PCDH15: variants seen among roughly 807,000 people sequenced by gnomAD.
PCDH15 encodes the protein protocadherin-15.
PCDH15 carries 129 observed loss-of-function variants against 178.5 expected under a neutral mutation model. The ratio of observed to expected loss-of-function variants is 0.72; its 90% CI spans 0.63 to 0.84. The LOEUF (loss-of-function observed/expected upper bound fraction) is 0.84. PCDH15 is among the 40% of genes least tolerant of loss of function. The probability of loss-of-function intolerance (pLI) is 0.00; values close to 1 mark genes in which losing one functional copy is unlikely to be tolerated. For missense variants in PCDH15, 2,230 were observed against 2,099.9 expected, an observed-to-expected ratio of 1.06 and a Z score of -1.21; for synonymous variants, 800 against 732.0, an observed-to-expected ratio of 1.09 and a Z score of -1.50.
At chr10:54,520,151 G>C (rs1247883783) in intron 3 of PCDH15, among the ~76,000 whole-genome samples, 2 of 152,096 alleles carry the variant, frequency 1.3e-5, no homozygotes, top group African/African-American at 2.4e-5. Flanking sequence ...ACATAGTCAT[G>C]GGCAAGGACT....
At chr10:54,611,219 G>A (rs1170516516) in intron 2 of PCDH15, among the ~76,000 whole-genome samples, 1 of 151,472 alleles carries the variant, frequency 6.6e-6, no homozygotes, top group Non-Finnish European at 1.5e-5. Context: ...TAAACACTAT[G>A]GAGTCCCCTT....
At chr10:54,314,472 CA>C (rs1564940252) in intron 8 of PCDH15, among the ~76,000 whole-genome samples, 1 of 151,948 alleles carries the variant, frequency 6.6e-6, no homozygotes, top group African/African-American at 2.4e-5. Flanking sequence ...AATGATTAGT[CA>C]TGGAGCAAAC....
At chr10:55,418,015 A>G (rs1269180740) in intron 2 of PCDH15, among the ~76,000 whole-genome samples, 2 of 151,728 alleles carry the variant, frequency 1.3e-5, no homozygotes, top group Non-Finnish European at 1.5e-5. Flanking sequence ...AAAAATGTCC[A>G]GTAGGAAAAG....
intron 2 of PCDH15, among the ~76,000 whole-genome samples, chr10:54,920,778 T>C (rs1837466055): frequency 6.6e-6 from 1 of 152,166 alleles, no homozygotes; most frequent in Non-Finnish European, 1.5e-5. Flanking sequence ...TTAGTAATTA[T>C]GCAGTTGTAC....
intron 1 of PCDH15, among the ~76,000 whole-genome samples, chr10:55,225,516 G>A (rs928768167): frequency 4.6e-5 from 7 of 151,938 alleles, no homozygotes; most frequent in East Asian, 1.9e-4. Context: ...CTGTCTTGTC[G>A]GAAGATAGAA....
intron 8 of PCDH15, among the ~76,000 whole-genome samples, chr10:54,251,236 T>G (rs2056446370): frequency 6.6e-6 from 1 of 152,208 alleles, no homozygotes; most frequent in South Asian, 2.1e-4. Context: ...GCTTTTATCC[T>G]AGAAATAAAT....
intron 2 of PCDH15, among the ~76,000 whole-genome samples, chr10:55,017,180 G>T (rs1840202168): frequency 6.6e-6 from 1 of 152,086 alleles, no homozygotes; most frequent in Admixed American, 6.6e-5. Flanking sequence ...ATGTATTTGT[G>T]TAGTTCCTAC....
chr10:54,435,278 G>C (rs61853576), intron 3 of PCDH15, among the ~76,000 whole-genome samples: 9,872 of 152,154 alleles, frequency 0.065, 391 homozygotes, highest in Admixed American at 0.12. Flanking sequence ...GATTCTGACA[G>C]CCTGGAATTT....
At chr10:55,342,483 A>T (rs1236635563) in intron 2 of PCDH15, among the ~76,000 whole-genome samples, 1 of 151,742 alleles carries the variant, frequency 6.6e-6, no homozygotes, top group Non-Finnish European at 1.5e-5. Context: ...TTTAGTTTTT[A>T]AATTTTTTAA....
chr10:55,546,212 A>G (rs1841879096), intron 2 of PCDH15, among the ~76,000 whole-genome samples: 1 of 152,192 alleles, frequency 6.6e-6, no homozygotes, highest in African/African-American at 2.4e-5. Context: ...AAACATGTAC[A>G]ATTGATCTTA....
rs58171476 is a variant in PCDH15 at position 54,380,705 on chromosome 10, C to CAT, written c.158-1765_158-1764dup. 5.9e-3 allele frequency among the ~76,000 whole-genome samples: 288 copies of CAT among 48,814 alleles called. 2 individuals carry two copies. The highest frequency in any genetic ancestry group is 0.016 in the Middle Eastern group (1 of 64). 32.0% of individuals were successfully genotyped at this position (48,814 alleles called of 152,430 possible). A position where few individuals can be genotyped will look rare whatever the true frequency, so the allele number is the denominator to read the frequency against. On this transcript the variant is annotated intron_variant, in intron 3 of 37. Coordinates refer to ENST00000644397, the MANE Select transcript of PCDH15 (RefSeq NM_001384140.1). Reference sequence around the variant, plus strand: ...ATATATGCTCCATATATATATGCTCCATATATATATATATATATATATATA... The same window carrying CAT: ...ATATATGCTCCATATATATATGCTCCATATATATATATATATATATATATATA...
intron 26 of PCDH15, among the ~76,000 whole-genome samples, chr10:53,890,518 A>T (rs541101374): frequency 6.6e-6 from 1 of 152,310 alleles, no homozygotes; most frequent in Admixed American, 6.5e-5. Flanking sequence ...TCAAATTACT[A>T]TGAGCCTCAC....
intron 2 of PCDH15, among the ~76,000 whole-genome samples, chr10:55,019,440 G>T (rs1840269261): frequency 6.6e-6 from 1 of 151,930 alleles, no homozygotes; most frequent in Non-Finnish European, 1.5e-5. Context: ...ATGAGACAAG[G>T]ACTACCCCTT....
chr10:54,372,369 A>G (rs1056930090), intron 4 of PCDH15, among the ~76,000 whole-genome samples: 3 of 151,836 alleles, frequency 2.0e-5, no homozygotes, highest in Non-Finnish European at 4.4e-5. Context: ...GGTCACCTGG[A>G]ACAGTTATCA....
At chr10:53,821,729 A>G in intron 32 of PCDH15, 1 of 1,518,274 alleles carries the variant, frequency 6.6e-7, no homozygotes, top group Non-Finnish European at 8.7e-7. Context: ...ATTAAAAACG[A>G]GAAAAAAAAC....
chr10:55,542,240 C>T (rs559590012), intron 2 of PCDH15, among the ~76,000 whole-genome samples: 1 of 150,240 alleles, frequency 6.7e-6, no homozygotes, highest in South Asian at 2.1e-4. Context: ...ACAGTATATG[C>T]CTGTATGTGT....
intron 3 of PCDH15, among the ~76,000 whole-genome samples, chr10:54,412,196 A>G (rs1031854448): frequency 2.6e-5 from 4 of 151,062 alleles, no homozygotes; most frequent in African/African-American, 9.7e-5. Context: ...AACATCTGAT[A>G]AAATTAAAAA....
At chr10:54,859,489 T>A (rs1953802032) in intron 3 of PCDH15, among the ~76,000 whole-genome samples, 1 of 152,044 alleles carries the variant, frequency 6.6e-6, no homozygotes, top group African/African-American at 2.4e-5. Flanking sequence ...TTAAAATTCA[T>A]CTCATTTTGT....
intron 11 of PCDH15, among the ~76,000 whole-genome samples, chr10:54,195,087 A>G: frequency 6.6e-6 from 1 of 152,158 alleles, no homozygotes; most frequent in East Asian, 1.9e-4. Flanking sequence ...GTCCCTTTAT[A>G]ACATTCACTC....
Sources: gnomAD v4.1 joint callset for allele counts (sites outside exome capture counted in the v4.1 genomes callset) on GRCh38, gnomAD v4.1.1 for gene constraint, MANE v1.5 for transcripts, NCBI Gene and HGNC (gene_info 2026-07-23, HGNC 2026-07-21) for gene names.